Variants in DCDC1 observed in about 807,000 individuals in gnomAD.
DCDC1 encodes doublecortin domain containing 1.
In DCDC1, 200 loss-of-function variants were observed where a neutral mutation model predicts 178.3. The ratio of observed to expected loss-of-function variants is 1.12; its 90% confidence interval spans 1.00 to 1.26. The LOEUF is 1.26. DCDC1 is among the 50% of genes most tolerant of loss of function. The pLI is 0.00. For missense variants in DCDC1, 1,983 were observed against 1,749.2 expected (o/e 1.13, Z -2.38); for synonymous variants, 690 against 604.8 (o/e 1.14, Z -2.07).
chr11:30,888,154 G>GAAAGAAAGAAAGAAAGAAAGAA (rs1943459609), intron 36 of DCDC1, among the ~76,000 whole-genome samples: 1 of 136,874 alleles, frequency 7.3e-6, no homozygotes, highest in African/African-American at 3.2e-5. Flanking sequence ...AAGAAAGAAA[G>GAAAGAAAGAAAGAAAGAAAGAA]AAAGAAAGGG....
At chr11:31,087,632 G>A (rs978951771) in intron 17 of DCDC1, among the ~76,000 whole-genome samples, 1 of 151,932 alleles carries the variant, frequency 6.6e-6, no homozygotes, top group Admixed American at 6.6e-5. Flanking sequence ...ATATCTGGGG[G>A]TTTTGCAGAA....
rs760455754 is a variant in DCDC1 at position 31,307,928 on chromosome 11, G to T, written c.165-20C>A. 1 of 1,611,972 alleles carries T rather than the reference G, an allele frequency of 6.2e-7. No homozygotes were observed. The highest frequency in any genetic ancestry group is 1.1e-5 in the South Asian group (1 of 90,922). On this transcript the variant is annotated intron_variant, in intron 3 of 38. Coordinates refer to ENST00000684477, the MANE Select transcript of DCDC1 (RefSeq NM_001387274.1). ...AACTCTCTGGAAGAAACAATGCATG[G>T]AAGAATACAATTAATTGATTTGTAA...
chr11:31,186,082 C>T lies in DCDC1; in HGVS notation c.1222-48298G>A, dbSNP rs539746092. Among the ~76,000 whole-genome samples the T allele has an allele frequency of 7.2e-5, 11 of 152,272 alleles. No individual in the cohort carries two copies. The East Asian group carries it at 1.9e-3, about 27-fold the overall frequency. The stretch of plus-strand genomic sequence containing the variant: ...GCCAGGGAGACCTTCCTGAAACATA[C>T]ATCAGCTCACTTAACCCCTTTGTTT... On this transcript the variant is annotated intron_variant, in intron 9 of 38. Transcript: ENST00000684477.
intron 9 of DCDC1, among the ~76,000 whole-genome samples, chr11:31,143,045 T>C (rs1964023293): frequency 6.6e-6 from 1 of 151,990 alleles, no homozygotes; most frequent in Non-Finnish European, 1.5e-5. Context: ...CAGATACAAA[T>C]AGGTTAACAG....
intron 9 of DCDC1, among the ~76,000 whole-genome samples, chr11:31,159,653 A>G (rs1202617172): frequency 1.3e-5 from 2 of 152,268 alleles, no homozygotes; most frequent in African/African-American, 4.8e-5. Flanking sequence ...TCATGCTTCA[A>G]GAAAGAAAAT....
chr11:30,967,610 AGTCTAAG>A (rs1176082553), intron 20 of DCDC1, among the ~76,000 whole-genome samples: 3 of 152,200 alleles, frequency 2.0e-5, no homozygotes, highest in Non-Finnish European at 4.4e-5. Flanking sequence ...CCACTTGCCT[AGTCTAAG>A]GTGGTTCTGT....
chr11:30,938,419 T>C (rs1446088499), intron 21 of DCDC1, among the ~76,000 whole-genome samples: 2 of 152,168 alleles, frequency 1.3e-5, no homozygotes, highest in Non-Finnish European at 2.9e-5. Flanking sequence ...CACACACAGT[T>C]GTGCAGCTGG....
intron 9 of DCDC1, among the ~76,000 whole-genome samples, chr11:31,179,116 C>T (rs1968452443): frequency 6.6e-6 from 1 of 152,042 alleles, no homozygotes; most frequent in African/African-American, 2.4e-5. Context: ...AAATGCAAAC[C>T]AAACTCACAA....
intron 1 of DCDC1, among the ~76,000 whole-genome samples, chr11:31,351,197 T>G (rs563339652): frequency 4.5e-4 from 68 of 152,210 alleles, no homozygotes; most frequent in Middle Eastern, 3.4e-3. Context: ...TAAGCCAGGC[T>G]GAAGTTTACA....
chr11:31,243,667 A>C (rs1977461443), intron 8 of DCDC1, among the ~76,000 whole-genome samples: 1 of 151,874 alleles, frequency 6.6e-6, no homozygotes, highest in Admixed American at 6.6e-5. Context: ...CAGCTTAGAA[A>C]ATAAAATAAA....
At chr11:31,290,162 A>G (rs567941618) in intron 7 of DCDC1, among the ~76,000 whole-genome samples, 1 of 152,056 alleles carries the variant, frequency 6.6e-6, no homozygotes, top group East Asian at 1.9e-4. Flanking sequence ...GGCCCCTTAG[A>G]TATGTTTTTA....
chr11:30,964,433 T>C (rs1949304015), intron 20 of DCDC1, among the ~76,000 whole-genome samples: 2 of 152,258 alleles, frequency 1.3e-5, no homozygotes, highest in South Asian at 4.1e-4. Flanking sequence ...TGACATGGCA[T>C]AGATCTTTTT....
At chr11:31,267,525 A>G (rs1231372609) in intron 7 of DCDC1, among the ~76,000 whole-genome samples, 1 of 152,204 alleles carries the variant, frequency 6.6e-6, no homozygotes, top group East Asian at 1.9e-4. Flanking sequence ...CTTATGAGGA[A>G]AAGATCATTC....
intron 21 of DCDC1, among the ~76,000 whole-genome samples, chr11:30,949,254 A>C (rs984709934): frequency 2.6e-5 from 4 of 152,248 alleles, no homozygotes; most frequent in Non-Finnish European, 5.9e-5. Context: ...ATATTAAATA[A>C]AGCTCATCAT....
At chr11:30,952,082 T>C (rs1176325446) in intron 21 of DCDC1, among the ~76,000 whole-genome samples, 1 of 152,180 alleles carries the variant, frequency 6.6e-6, no homozygotes, top group Non-Finnish European at 1.5e-5. Context: ...AGTTGGAATG[T>C]TTCTATTAGT....
chr11:30,868,507 T>C (rs753300995), intron 38 of DCDC1, among the ~76,000 whole-genome samples: 7 of 152,010 alleles, frequency 4.6e-5, no homozygotes, highest in Non-Finnish European at 7.4e-5. Flanking sequence ...CACCTCGGCC[T>C]CCCAAAGTGC....
Position 30,918,840 on chromosome 11 carries a change from CT to C in DCDC1, c.3294-1813del, listed in dbSNP as rs915022229. Among the ~76,000 whole-genome samples the C allele has an allele frequency of 9.9e-5, 15 of 152,220 alleles. No individual in the cohort carries two copies. In the East Asian group the frequency reaches 2.5e-3, roughly 25 times the overall value. ...CCCCCACTCTCTGTGTTCCAAAAAT[CT>C]TTTTTTCCTGCAAAGCACAGAGTAG... On this transcript the variant is annotated intron_variant, in intron 25 of 38. Transcript: ENST00000684477.
chr11:31,350,615 T>C (rs1951021721), intron 1 of DCDC1, among the ~76,000 whole-genome samples: 1 of 152,124 alleles, frequency 6.6e-6, no homozygotes, highest in Non-Finnish European at 1.5e-5. Context: ...ACTGTCAACA[T>C]AAACTGTGAA....
At chr11:31,172,399 G>A (rs1382473302) in intron 9 of DCDC1, among the ~76,000 whole-genome samples, 2 of 152,082 alleles carry the variant, frequency 1.3e-5, no homozygotes, top group Non-Finnish European at 2.9e-5. Context: ...TAATTGATGA[G>A]ATTAAGTTGA....
Sources: gnomAD v4.1 joint callset for allele counts (sites outside exome capture counted in the v4.1 genomes callset) on GRCh38, gnomAD v4.1.1 for gene constraint, MANE v1.5 for transcripts, NCBI Gene and HGNC (gene_info 2026-07-23, HGNC 2026-07-21) for gene names.